Variants in POLA1 observed in about 807,000 individuals in gnomAD.
POLA1 encodes the protein DNA polymerase alpha 1, catalytic subunit, also known as DNA polymerase alpha catalytic subunit.
In POLA1, 15 loss-of-function variants were observed where a neutral mutation model predicts 124.0. That is an observed-to-expected ratio of 0.12 (90% confidence interval 0.08 to 0.19). POLA1 has a LOEUF of 0.19. Among genes scored for constraint, POLA1 ranks in the 10% least tolerant of loss-of-function variants. The pLI, the probability that POLA1 is intolerant of heterozygous loss-of-function variation, is 1.00. For missense variants in POLA1, 886 were observed against 1,103.4 expected (o/e 0.80, Z 2.79); for synonymous variants, 408 against 389.4 (o/e 1.05, Z -0.56).
At chrX:24,949,604 TA>T (rs762001201) in intron 36 of POLA1, among the ~76,000 whole-genome samples, 233 of 76,397 alleles carry the variant, frequency 3.0e-3, no homozygotes, top group African/African-American at 3.9e-3. Context: ...GTTTAAACAG[TA>T]AAAAAAAAAA....
chrX:24,891,602 A>G (rs1182785753), intron 35 of POLA1, among the ~76,000 whole-genome samples: 1 of 111,704 alleles, frequency 9.0e-6, no homozygotes, highest in Non-Finnish European at 1.9e-5. Flanking sequence ...CAAAGTATCT[A>G]TTCTGCAGGA....
chrX:24,831,646 C>T lies in POLA1; in HGVS notation c.3736+5045C>T. On this transcript the variant is annotated intron_variant, in intron 32 of 36. Coordinates refer to ENST00000379068, the MANE Select transcript of POLA1 (RefSeq NM_001330360.2). ...ATGTTGGCCAGGCTGGTCTCAAACT[C>T]CTGACCTCAGGTGATCCGCCTGCCT... Among the ~76,000 whole-genome samples the T allele has an allele frequency of 4.5e-5, 5 of 111,789 alleles. No homozygotes were observed. In the Middle Eastern group the frequency reaches 0.023, roughly 515 times the overall value.
chrX:24,956,715 G>A (rs2048110729), intron 36 of POLA1, among the ~76,000 whole-genome samples: 1 of 112,005 alleles, frequency 8.9e-6, no homozygotes, highest in South Asian at 3.7e-4. Flanking sequence ...GAAAACGCTA[G>A]AATAGAATTT....
At chrX:24,700,359 T>A (rs770232798) in intron 2 of POLA1, among the ~76,000 whole-genome samples, 3 of 111,534 alleles carry the variant, frequency 2.7e-5, no homozygotes, top group Non-Finnish European at 5.7e-5. Flanking sequence ...AGATTCTTTT[T>A]TGAACCCAGA....
At chrX:24,788,339 T>TC (rs1468433741) in intron 26 of POLA1, 2 of 1,099,941 alleles carry the variant, frequency 1.8e-6, no homozygotes, top group Non-Finnish European at 2.4e-6. Flanking sequence ...ACTTCTTTTT[T>TC]TTTTTTTTAA....
intron 34 of POLA1, among the ~76,000 whole-genome samples, chrX:24,863,659 A>G (rs1260093383): frequency 3.6e-5 from 4 of 111,599 alleles, no homozygotes; most frequent in Non-Finnish European, 7.5e-5. Flanking sequence ...CCCAGGCGAA[A>G]ACACTGCATC....
chrX:24,957,030 C>G (rs2048114592), intron 36 of POLA1, among the ~76,000 whole-genome samples: 1 of 111,261 alleles, frequency 9.0e-6, no homozygotes, highest in African/African-American at 3.3e-5. Context: ...GAGTCATCAC[C>G]TGTGGGTATT....
intron 35 of POLA1, among the ~76,000 whole-genome samples, chrX:24,921,944 T>C (rs1266475260): frequency 4.0e-5 from 4 of 98,892 alleles, no homozygotes; most frequent in Non-Finnish European, 7.7e-5. Flanking sequence ...AGAATTTTTA[T>C]TTTAACAAGA....
chrX:24,960,390 T>C (rs1298758209), intron 36 of POLA1, among the ~76,000 whole-genome samples: 1 of 111,862 alleles, frequency 8.9e-6, no homozygotes, highest in Admixed American at 9.5e-5. Context: ...CCATATGTGT[T>C]AGTGGGCACT....
At chrX:24,752,449 T>C (rs897308517) in intron 26 of POLA1, among the ~76,000 whole-genome samples, 11 of 112,171 alleles carry the variant, frequency 9.8e-5, no homozygotes, top group African/African-American at 3.6e-4. Flanking sequence ...AGAAATACCA[T>C]CTGTATTTGT....
intron 31 of POLA1, 100 bp from the exon 32 acceptor site, chrX:24,826,327 G>T (rs1054455115): frequency 1.9e-6 from 1 of 517,270 alleles, no homozygotes; most frequent in African/African-American, 2.4e-5. Flanking sequence ...AATTTAAATT[G>T]TTGCCTCTCT....
chrX:24,827,396 C>T (rs2046189445), intron 32 of POLA1, among the ~76,000 whole-genome samples: 1 of 112,271 alleles, frequency 8.9e-6, no homozygotes, highest in African/African-American at 3.2e-5. Context: ...GCCTAATGTC[C>T]TGAGATGGCT....
chrX:24,831,781 A>G (rs1427950429), intron 32 of POLA1, among the ~76,000 whole-genome samples: 2 of 112,575 alleles, frequency 1.8e-5, no homozygotes, highest in Non-Finnish European at 3.8e-5. Flanking sequence ...GTTATACCAA[A>G]TGCATTGCAG....
At chrX:24,726,362 T>G (rs1028050759) in intron 13 of POLA1, among the ~76,000 whole-genome samples, 2 of 112,072 alleles carry the variant, frequency 1.8e-5, no homozygotes, top group African/African-American at 6.5e-5. Context: ...TCTGCTGAAG[T>G]GTCCCTTATG....
chrX:24,757,263 A>G (rs1047689399), intron 26 of POLA1, among the ~76,000 whole-genome samples: 1 of 110,497 alleles, frequency 9.1e-6, no homozygotes, highest in Non-Finnish European at 1.9e-5. Flanking sequence ...ATTCAGCTTT[A>G]TTAATTCACA....
chrX:24,913,618 G>T (rs1007933959), intron 35 of POLA1, among the ~76,000 whole-genome samples: 6 of 110,503 alleles, frequency 5.4e-5, no homozygotes, highest in Admixed American at 9.7e-5. Flanking sequence ...GGAAGCTAAG[G>T]CAGGAGAATC....
At chrX:24,845,995 G>T (rs2046472530) in intron 34 of POLA1, among the ~76,000 whole-genome samples, 1 of 111,854 alleles carries the variant, frequency 8.9e-6, no homozygotes, top group Non-Finnish European at 1.9e-5. Flanking sequence ...AAGAAGCATA[G>T]TTCTAGATGA....
intron 34 of POLA1, among the ~76,000 whole-genome samples, chrX:24,849,445 G>A (rs1048116146): frequency 1.8e-5 from 2 of 111,933 alleles, no homozygotes; most frequent in Non-Finnish European, 3.8e-5. Context: ...TTTTTAAAAT[G>A]TGATATTCTT....
chrX:24,880,494 A>G (rs770022249), intron 34 of POLA1, among the ~76,000 whole-genome samples: 17 of 111,884 alleles, frequency 1.5e-4, no homozygotes, highest in Admixed American at 5.7e-4. Flanking sequence ...CTGGGACTTA[A>G]TAATCACTCT....
Sources: gnomAD v4.1 joint callset for allele counts (sites outside exome capture counted in the v4.1 genomes callset) on GRCh38, gnomAD v4.1.1 for gene constraint, MANE v1.5 for transcripts, NCBI Gene and HGNC (gene_info 2026-07-23, HGNC 2026-07-21) for gene names.